Variants in DACH1 observed in about 807,000 individuals in gnomAD.
The protein encoded by DACH1 is dachshund homolog 1.
Under a neutral mutation model 54.2 loss-of-function variants are expected in DACH1, and 12 were observed. The observed-to-expected ratio is 0.22, with a 90% CI of 0.14 to 0.36. The LOEUF (loss-of-function observed/expected upper bound fraction) is 0.36, where lower values mean the gene tolerates loss of function less well. Ranked by LOEUF, DACH1 falls within the 10% of genes least tolerant of loss-of-function variation. DACH1 has a pLI of 1.00. For synonymous variants in DACH1, 386 were observed against 366.2 expected (o/e 1.05, Z -0.62); for missense variants, 805 against 929.8 (o/e 0.87, Z 1.75).
Position 71,451,201 on chromosome 13 carries a change from C to T in DACH1, c.2084-10509G>A, listed in dbSNP as rs1875020123. On this transcript the variant is annotated intron_variant, in intron 10 of 10. Coordinates refer to ENST00000613252, the MANE Select transcript of DACH1 (RefSeq NM_080759.6). ...AACTCATGTACACACAGTTGGGATC[C>T]CATATATTGCATTGCTAAAACCTAA... is the stretch of plus-strand genomic sequence containing the variant. Among the ~76,000 whole-genome samples the T allele has an allele frequency of 2.0e-5, 3 of 152,184 alleles. No homozygotes were observed. The South Asian group carries it at 6.2e-4, about 32-fold the overall frequency.
chr13:71,710,271 A>C (rs762585242), intron 1 of DACH1, among the ~76,000 whole-genome samples: 2 of 152,186 alleles, frequency 1.3e-5, no homozygotes, highest in Non-Finnish European at 1.5e-5. Flanking sequence ...TTTTATAAAG[A>C]AAATTACATT....
intron 6 of DACH1, among the ~76,000 whole-genome samples, chr13:71,543,814 G>A (rs570789299): frequency 7.9e-5 from 12 of 152,154 alleles, no homozygotes; most frequent in Admixed American, 4.6e-4. Flanking sequence ...AAATAATAGC[G>A]AAACTAAGAA....
At chr13:71,760,741 A>T (rs931359744) in intron 1 of DACH1, among the ~76,000 whole-genome samples, 2 of 152,134 alleles carry the variant, frequency 1.3e-5, no homozygotes, top group Non-Finnish European at 2.9e-5. Flanking sequence ...CTTTCCAAAT[A>T]CAATTCAGTT....
intron 7 of DACH1, among the ~76,000 whole-genome samples, chr13:71,486,717 A>G (rs1416315184): frequency 6.6e-6 from 1 of 152,212 alleles, no homozygotes; most frequent in Non-Finnish European, 1.5e-5. Flanking sequence ...CATATTAGAC[A>G]TACATATAAA....
intron 6 of DACH1, among the ~76,000 whole-genome samples, chr13:71,499,645 C>G (rs1024025792): frequency 6.6e-6 from 1 of 151,982 alleles, no homozygotes; most frequent in Non-Finnish European, 1.5e-5. Context: ...TTTTTCAGAA[C>G]TCAGAAATAG....
chr13:71,533,355 G>T (rs1212832862), intron 6 of DACH1, among the ~76,000 whole-genome samples: 1 of 151,844 alleles, frequency 6.6e-6, no homozygotes, highest in Non-Finnish European at 1.5e-5. Context: ...CTAAAGATCA[G>T]CATGAGAAAA....
chr13:71,510,519 G>T lies in DACH1; in HGVS notation c.1571-21371C>A, dbSNP rs142965435. Among the ~76,000 whole-genome samples, 674 of 152,026 alleles carry T rather than the reference G, an allele frequency of 4.4e-3. 4 individuals are homozygous for T. The highest frequency in any genetic ancestry group is 0.016 in the African/African-American group (653 of 41,486). The stretch of plus-strand genomic sequence containing the variant: ...CCAGGGTCAAATAACAAGATGAATC[G>T]TTAGTGTGACATTCTAGTTCATAGA... On this transcript the variant is annotated intron_variant, in intron 6 of 10. Coordinates refer to ENST00000613252, the MANE Select transcript of DACH1 (RefSeq NM_080759.6).
intron 6 of DACH1, among the ~76,000 whole-genome samples, chr13:71,499,136 G>GACACACAC (rs3075798): frequency 0.069 from 10,256 of 149,226 alleles, 411 homozygotes; most frequent in East Asian, 0.12. Context: ...CACACACGCA[G>GACACACAC]ACACACACAC....
At chr13:71,770,876 C>A (rs1004916489) in intron 1 of DACH1, among the ~76,000 whole-genome samples, 4 of 151,506 alleles carry the variant, frequency 2.6e-5, no homozygotes, top group Admixed American at 6.6e-5. Flanking sequence ...TCCTTGACTA[C>A]ATGGTTTTTG....
intron 10 of DACH1, among the ~76,000 whole-genome samples, chr13:71,471,641 A>G (rs1877088087): frequency 1.3e-5 from 2 of 151,574 alleles, no homozygotes; most frequent in South Asian, 4.2e-4. Flanking sequence ...AGTCCCAGCT[A>G]CTCAGGAGGC....
chr13:71,542,863 T>C (rs1358032833), intron 6 of DACH1, among the ~76,000 whole-genome samples: 1 of 152,122 alleles, frequency 6.6e-6, no homozygotes, highest in Non-Finnish European at 1.5e-5. Flanking sequence ...CCAAAAGTAA[T>C]ATTCAATTTA....
At chr13:71,619,745 G>A (rs1372287232) in intron 3 of DACH1, among the ~76,000 whole-genome samples, 2 of 151,910 alleles carry the variant, frequency 1.3e-5, no homozygotes, top group East Asian at 3.8e-4. Context: ...ATTATGTGGG[G>A]TTTGTGTATG....
chr13:71,518,587 G>T (rs1881334154), intron 6 of DACH1, among the ~76,000 whole-genome samples: 1 of 151,702 alleles, frequency 6.6e-6, no homozygotes. Context: ...TCAAAATAAG[G>T]GGTCTGGGCC....
At chr13:71,728,900 G>T (rs1404552453) in intron 1 of DACH1, among the ~76,000 whole-genome samples, 1 of 151,858 alleles carries the variant, frequency 6.6e-6, no homozygotes, top group African/African-American at 2.4e-5. Flanking sequence ...ACCTGTTTGG[G>T]TTTTGTTTGG....
intron 2 of DACH1, among the ~76,000 whole-genome samples, chr13:71,676,599 CAA>C (rs1880590854): frequency 6.6e-6 from 1 of 151,974 alleles, no homozygotes; most frequent in South Asian, 2.1e-4. Context: ...GCTAATATTA[CAA>C]AAGAGGTTGT....
intron 2 of DACH1, among the ~76,000 whole-genome samples, chr13:71,654,439 TA>T (rs1222714204): frequency 1.5e-5 from 2 of 129,320 alleles, no homozygotes; most frequent in African/African-American, 5.8e-5. Flanking sequence ...TAAAATAAAA[TA>T]AAATAAAATA....
At chr13:71,651,390 G>GAAAGA in intron 2 of DACH1, among the ~76,000 whole-genome samples, 1 of 150,876 alleles carries the variant, frequency 6.6e-6, no homozygotes, top group Non-Finnish European at 1.5e-5. Context: ...AAGAAAGAAA[G>GAAAGA]AAAGAAAAGA....
intron 1 of DACH1, among the ~76,000 whole-genome samples, chr13:71,847,451 A>G (rs1203437585): frequency 6.6e-6 from 1 of 152,196 alleles, no homozygotes; most frequent in East Asian, 1.9e-4. Context: ...ACAAAACTAT[A>G]CACCACAATA....
intron 2 of DACH1, among the ~76,000 whole-genome samples, chr13:71,668,667 G>A (rs1257748367): frequency 1.3e-5 from 2 of 151,920 alleles, no homozygotes; most frequent in Non-Finnish European, 2.9e-5. Context: ...GCTCACACCT[G>A]TAATCCCAAC....
Sources: gnomAD v4.1 joint callset for allele counts (sites outside exome capture counted in the v4.1 genomes callset) on GRCh38, gnomAD v4.1.1 for gene constraint, MANE v1.5 for transcripts, NCBI Gene and HGNC (gene_info 2026-07-23, HGNC 2026-07-21) for gene names.